The following KAZN variants were observed in gnomAD, a reference collection of about 807,000 sequenced individuals.
KAZN encodes kazrin, periplakin interacting protein.
A neutral mutation model predicts 87.4 loss-of-function variants in KAZN; 40 were observed. The ratio of observed to expected loss-of-function variants is 0.46; its 90% CI spans 0.36 to 0.60. The LOEUF is 0.60. Among genes scored for constraint, KAZN ranks in the 20% least tolerant of loss-of-function variants. KAZN has a pLI of 0.00. For missense variants in KAZN, 898 were observed against 1,073.9 expected, an observed-to-expected ratio of 0.84 and a Z score of 2.29; for synonymous variants, 466 against 458.3, an observed-to-expected ratio of 1.02 and a Z score of -0.22.
chr1:14,162,380 T>G (rs1182496427), intron 1 of KAZN, among the ~76,000 whole-genome samples: 1 of 152,120 alleles, frequency 6.6e-6, no homozygotes, highest in Admixed American at 6.5e-5. Context: ...GAGATAATCC[T>G]CTTTCTACCC....
rs1344007801 is a variant in KAZN at position 14,472,796 on chromosome 1, G to GTGTTTT, written c.250-126174_250-126169dup. Among the ~76,000 whole-genome samples, 3 of 152,178 alleles carry GTGTTTT rather than the reference G, an allele frequency of 2.0e-5. No homozygotes were observed. The East Asian group carries it at 5.8e-4, about 29-fold the overall frequency. ...GGCTTTCCTTATTCTCAGTAAATTT[G>GTGTTTT]TGTTTTTGTTTTTGTTTTCTTACCA... On this transcript the variant is annotated intron_variant, in intron 2 of 16. Coordinates refer to the KAZN transcript ENST00000636203.
intron 2 of KAZN, among the ~76,000 whole-genome samples, chr1:14,345,704 C>T (rs1251790609): frequency 6.6e-6 from 1 of 152,106 alleles, no homozygotes; most frequent in Non-Finnish European, 1.5e-5. Flanking sequence ...CTTCAGTAAA[C>T]ATTTGTTTTT....
At chr1:14,536,059 G>C (rs545201482) in intron 2 of KAZN, among the ~76,000 whole-genome samples, 2 of 152,316 alleles carry the variant, frequency 1.3e-5, no homozygotes, top group Admixed American at 6.5e-5. Context: ...GCTAGAGAAG[G>C]CATCAGCTGT....
intron 8 of KAZN, among the ~76,000 whole-genome samples, chr1:15,071,391 A>G (rs1418983653): frequency 6.6e-6 from 1 of 151,974 alleles, no homozygotes; most frequent in Non-Finnish European, 1.5e-5. Flanking sequence ...AGCTGGGACT[A>G]CAAGCATGCA....
At chr1:14,688,924 T>C (rs954577644) in intron 1 of KAZN, among the ~76,000 whole-genome samples, 3 of 152,228 alleles carry the variant, frequency 2.0e-5, no homozygotes, top group African/African-American at 7.2e-5. Flanking sequence ...CTGGGCGCGG[T>C]GGCTCACGCC....
intron 1 of KAZN, among the ~76,000 whole-genome samples, chr1:14,687,370 T>A (rs1009269713): frequency 6.6e-6 from 1 of 151,768 alleles, no homozygotes; most frequent in African/African-American, 2.4e-5. Context: ...ATGAGAGAGG[T>A]GAACTCAGAG....
Position 15,104,095 on chromosome 1 carries a change from G to C in KAZN, c.1954G>C (p.Glu652Gln), listed in dbSNP as rs1271683187. 6.8e-6 allele frequency: 11 copies of C among 1,612,976 alleles called. No homozygotes were observed. Among genetic ancestry groups the C allele is most frequent in the Non-Finnish European group, 9.3e-6 (11 of 1,179,578 alleles). The change falls in exon 13 of 15, where the codon GAG becomes CAG. Residue 652 changes from glutamate to glutamine, a missense_variant. Coordinates refer to ENST00000376030, the MANE Select transcript of KAZN (RefSeq NM_201628.3). ...GGTGCTGGAGCCCACATTCAATGCC[G>C]AGGCCATGGCCACTGCCCTGGGCAT... is the stretch of plus-strand genomic sequence containing the variant. Reference protein sequence around the residue: ...VLVLEPTFNAEAMATALGIPS... With the variant: ...VLVLEPTFNAQAMATALGIPS...
At chr1:14,881,868 C>T (rs993697036) in intron 1 of KAZN, among the ~76,000 whole-genome samples, 7 of 152,302 alleles carry the variant, frequency 4.6e-5, no homozygotes, top group Admixed American at 2.6e-4. Context: ...GTAGGTGCTG[C>T]TGGCTATGGT....
chr1:14,827,392 T>C (rs12123637), intron 1 of KAZN, among the ~76,000 whole-genome samples: 46,606 of 152,100 alleles, frequency 0.31, 7,411 homozygotes, highest in Middle Eastern at 0.44. Flanking sequence ...CGTGTAGCCT[T>C]TTATCCCTCA....
At chr1:14,639,986 G>A (rs570723148) in intron 1 of KAZN, among the ~76,000 whole-genome samples, 13 of 152,294 alleles carry the variant, frequency 8.5e-5, no homozygotes, top group Non-Finnish European at 4.4e-5. Context: ...GCATGATGGT[G>A]GCTCAGCAAC....
intron 2 of KAZN, among the ~76,000 whole-genome samples, chr1:15,002,070 C>T (rs149859292): frequency 0.022 from 3,362 of 151,696 alleles, 68 homozygotes; most frequent in Non-Finnish European, 0.031. Context: ...TTAGTAGAGA[C>T]GGGGTTTCAC....
intron 1 of KAZN, among the ~76,000 whole-genome samples, chr1:14,659,872 C>T (rs1289556591): frequency 6.6e-6 from 1 of 150,404 alleles, no homozygotes; most frequent in Non-Finnish European, 1.5e-5. Flanking sequence ...CAAAACAATA[C>T]ACATTCTTTA....
intron 2 of KAZN, among the ~76,000 whole-genome samples, chr1:15,034,361 G>C (rs1408815895): frequency 6.6e-6 from 1 of 152,224 alleles, no homozygotes; most frequent in African/African-American, 2.4e-5. Flanking sequence ...AGTGGACTCA[G>C]GGTGGCCCAG....
At chr1:14,656,804 C>G (rs771222892) in intron 1 of KAZN, among the ~76,000 whole-genome samples, 10 of 152,212 alleles carry the variant, frequency 6.6e-5, no homozygotes, top group Non-Finnish European at 1.2e-4. Context: ...AAGCACCTGC[C>G]CACCAGGCCT....
Position 15,081,860 on chromosome 1 carries a change from C to A in KAZN, c.1223-12320C>A, listed in dbSNP as rs556134085. Among the ~76,000 whole-genome samples, 1 of 152,230 alleles carries A rather than the reference C, an allele frequency of 6.6e-6. No individual in the cohort carries two copies. The highest frequency in any genetic ancestry group is 1.5e-5 in the Non-Finnish European group (1 of 68,020). ...TCGGCCTGTGGGTCACAGCAAGGAC[C>A]TTGGGCTTTACCAGGGAGCCATTGA... On this transcript the variant is annotated intron_variant, in intron 8 of 14. Transcript: ENST00000376030. The surrounding 1 kb of genome is among the most constrained non-coding windows in gnomAD (Gnocchi z 4.1).
chr1:14,494,845 A>T (rs1669857798), intron 2 of KAZN, among the ~76,000 whole-genome samples: 1 of 152,222 alleles, frequency 6.6e-6, no homozygotes, highest in Non-Finnish European at 1.5e-5. Flanking sequence ...TATGGAAGGC[A>T]TATTGCATTT....
intron 1 of KAZN, among the ~76,000 whole-genome samples, chr1:14,125,965 G>A (rs1644856406): frequency 1.5e-5 from 2 of 133,734 alleles, no homozygotes; most frequent in Admixed American, 7.6e-5. Flanking sequence ...GTGCGGGGTG[G>A]GGTGGGGGGT....
chr1:13,920,983 G>C lies in KAZN; in HGVS notation c.91+27227G>C, dbSNP rs79035714. Among the ~76,000 whole-genome samples, 4 of 152,250 alleles carry C rather than the reference G, an allele frequency of 2.6e-5. No homozygotes were observed. In the East Asian group the frequency reaches 5.8e-4, roughly 22 times the overall value. On this transcript the variant is annotated intron_variant, in intron 1 of 16. Transcript: ENST00000636203. ...CAGAGGAATGTGCACATAGCATCTG[G>C]AAAGGCAATAAGCTGACTTTTCTGT...
intron 1 of KAZN, among the ~76,000 whole-genome samples, chr1:13,901,031 G>A (rs1639227782): frequency 7.3e-6 from 1 of 136,308 alleles, no homozygotes; most frequent in African/African-American, 2.9e-5. Flanking sequence ...TGTTTTCCTT[G>A]GCTAATCATT....
Sources: gnomAD v4.1 joint callset for allele counts (sites outside exome capture counted in the v4.1 genomes callset) on GRCh38, gnomAD v4.1.1 for gene constraint, Gnocchi (gnomAD v3.1) non-coding constraint, MANE v1.5 for transcripts, NCBI Gene and HGNC (gene_info 2026-07-23, HGNC 2026-07-21) for gene names.